NEK5: variants seen among roughly 807,000 people sequenced by gnomAD.
NEK5 encodes the protein NIMA related kinase 5, also known as serine/threonine-protein kinase Nek5.
NEK5 carries 88 observed loss-of-function variants against 109.2 expected under a neutral mutation model. The observed-to-expected ratio is 0.81, with a 90% CI of 0.68 to 0.96. NEK5 has a LOEUF of 0.96. Ranked by LOEUF, NEK5 falls within the 40% of genes least tolerant of loss-of-function variation. The pLI is 0.00. For synonymous variants in NEK5, 283 were observed against 299.9 expected (o/e 0.94, Z 0.58); for missense variants, 834 against 920.7 (o/e 0.91, Z 1.22).
chr13:52,080,393 C>G (rs551244836), intron 17 of NEK5, among the ~76,000 whole-genome samples: 1 of 151,728 alleles, frequency 6.6e-6, no homozygotes, highest in Non-Finnish European at 1.5e-5. Flanking sequence ...GGGAGGTGTA[C>G]CCAACAGCTC....
At chr13:52,081,405 G>T (rs1955011123) in intron 17 of NEK5, among the ~76,000 whole-genome samples, 1 of 151,978 alleles carries the variant, frequency 6.6e-6, no homozygotes, top group South Asian at 2.1e-4. Flanking sequence ...TATTACCAAG[G>T]CTGGTCTCAA....
Position 52,101,116 on chromosome 13 carries a change from C to T in NEK5, c.892+817G>A, listed in dbSNP as rs180935418. On this transcript the variant is annotated intron_variant, in intron 11 of 23. Transcript: ENST00000684899. ...ACACCAGGACTAAAATAGTTTTCTC[C>T]GGCCTGGCGCGGTGGCTCACGCCTG... 2.1e-3 allele frequency among the ~76,000 whole-genome samples: 313 copies of T among 152,136 alleles called. 2 individuals are homozygous for T. The highest frequency in any genetic ancestry group is 7.1e-3 in the African/African-American group (296 of 41,524).
chr13:52,066,802 T>C (rs1034453125), intron 20 of NEK5, among the ~76,000 whole-genome samples: 2 of 146,512 alleles, frequency 1.4e-5, no homozygotes, highest in African/African-American at 2.5e-5. Context: ...AGACGCTGTC[T>C]CAAAAAAAAA....
intron 22 of NEK5, among the ~76,000 whole-genome samples, chr13:52,059,818 G>A (rs1242730734): frequency 2.0e-5 from 3 of 151,610 alleles, no homozygotes; most frequent in African/African-American, 7.3e-5. Context: ...GTGGGGGGAC[G>A]GGGGAGGGAT....
chr13:52,120,653 G>A (rs946791252), intron 3 of NEK5, among the ~76,000 whole-genome samples: 47 of 152,174 alleles, frequency 3.1e-4, no homozygotes, highest in African/African-American at 1.1e-3. Flanking sequence ...GCTCATGCCT[G>A]TAATCCCAGC....
At chr13:52,055,832 A>G (rs151297187) in intron 22 of NEK5, among the ~76,000 whole-genome samples, 2,396 of 152,298 alleles carry the variant, frequency 0.016, 71 homozygotes, top group East Asian at 0.12. Context: ...GGTACCAGCC[A>G]CTGCAAAATC....
intron 12 of NEK5, among the ~76,000 whole-genome samples, chr13:52,096,337 T>C (rs920889069): frequency 7.2e-5 from 11 of 151,774 alleles, no homozygotes; most frequent in Admixed American, 3.9e-4. Context: ...CAGAAGAAGA[T>C]AGGAAGATGA....
intron 16 of NEK5, among the ~76,000 whole-genome samples, chr13:52,084,533 C>T (rs956411794): frequency 2.0e-5 from 3 of 151,594 alleles, no homozygotes; most frequent in African/African-American, 7.3e-5. Context: ...GTCAGATTTT[C>T]ATTTTATTTT....
rs1954330335 is a variant in NEK5, at chr13:52,033,722, CAAAATT to C, written c.*3220_*3225del. 6.5e-6 allele frequency: 1 copy of C among 153,330 alleles called. No homozygotes were observed. The highest frequency in any genetic ancestry group is 2.1e-4 in the South Asian group (1 of 4,824). 9.5% of individuals were successfully genotyped at this position (153,330 alleles called of 1,614,324 possible). A position where few individuals can be genotyped will look rare whatever the true frequency, so the allele number is the denominator to read the frequency against. ...GGATTTTATAAGGTCATCTTATAGA[CAAAATT>C]AAGAGACACCAGTGTGGTTATCAAT... On this transcript the variant is annotated 3_prime_UTR_variant, in exon 24 of 24. Coordinates refer to ENST00000684899, the MANE Select transcript of NEK5 (RefSeq NM_001365552.1).
chr13:52,060,955 C>A (rs1954609392), intron 22 of NEK5, among the ~76,000 whole-genome samples: 1 of 152,072 alleles, frequency 6.6e-6, no homozygotes, highest in South Asian at 2.1e-4. Context: ...TAACTCCTAG[C>A]CTCAAGAGAT....
chr13:52,105,739 C>G (rs1955639966), intron 8 of NEK5, among the ~76,000 whole-genome samples: 1 of 152,202 alleles, frequency 6.6e-6, no homozygotes, highest in Non-Finnish European at 1.5e-5. Context: ...CCTGAGACCA[C>G]TCTGCATATT....
intron 22 of NEK5, among the ~76,000 whole-genome samples, chr13:52,056,982 C>A (rs1339327482): frequency 2.0e-5 from 3 of 152,064 alleles, no homozygotes; most frequent in Non-Finnish European, 2.9e-5. Flanking sequence ...ACACAAAAAA[C>A]CCTTCAAAAA....
intron 20 of NEK5, 76 bp downstream of exon 20, chr13:52,071,868 T>C (rs1954789789): frequency 4.6e-6 from 6 of 1,296,944 alleles, no homozygotes; most frequent in Non-Finnish European, 6.7e-6. Context: ...CCGAGGCAGA[T>C]GCATGGGGAC....
intron 23 of NEK5, among the ~76,000 whole-genome samples, chr13:52,048,520 A>G (rs889245271): frequency 6.6e-5 from 10 of 152,226 alleles, no homozygotes; most frequent in African/African-American, 2.4e-4. Flanking sequence ...TTAAAAATAC[A>G]AAGAAAAAAG....
intron 13 of NEK5, among the ~76,000 whole-genome samples, chr13:52,090,106 G>T (rs1488466998): frequency 6.6e-6 from 1 of 152,192 alleles, no homozygotes; most frequent in Non-Finnish European, 1.5e-5. Flanking sequence ...AATGAGGAAA[G>T]AAATAATGGT....
At chr13:52,104,622 G>A (rs1393377210) in intron 8 of NEK5, 70 bp from the exon 9 acceptor site, 3 of 1,061,186 alleles carry the variant, frequency 2.8e-6, no homozygotes, top group Non-Finnish European at 2.9e-6. Context: ...TATCCTTACA[G>A]TGCCTTAAAT....
intron 4 of NEK5, among the ~76,000 whole-genome samples, chr13:52,115,723 A>T (rs935223185): frequency 1.3e-5 from 2 of 151,984 alleles, no homozygotes; most frequent in Non-Finnish European, 2.9e-5. Context: ...AAGTGTCTGG[A>T]AAAATCATTT....
chr13:52,068,738 G>A (rs1441524255), intron 20 of NEK5, among the ~76,000 whole-genome samples: 1 of 152,138 alleles, frequency 6.6e-6, no homozygotes, highest in Non-Finnish European at 1.5e-5. Flanking sequence ...GGAGGCCAAG[G>A]TGGGCAGATC....
chr13:52,093,524 C>A (rs954672885), intron 12 of NEK5, among the ~76,000 whole-genome samples: 1 of 151,884 alleles, frequency 6.6e-6, no homozygotes, highest in African/African-American at 2.4e-5. Context: ...CATGCCACTG[C>A]ACTCCAACCT....
Sources: gnomAD v4.1 joint callset for allele counts (sites outside exome capture counted in the v4.1 genomes callset) on GRCh38, gnomAD v4.1.1 for gene constraint, MANE v1.5 for transcripts, NCBI Gene and HGNC (gene_info 2026-07-23, HGNC 2026-07-21) for gene names.